TTLL5: variants seen among roughly 807,000 people sequenced by gnomAD.
The protein encoded by TTLL5 is tubulin polyglutamylase TTLL5.
A neutral mutation model predicts 168.4 loss-of-function variants in TTLL5; 132 were observed. The observed-to-expected ratio is 0.78, with a 90% CI of 0.68 to 0.91. TTLL5 has a LOEUF of 0.91. Among genes scored for constraint, TTLL5 ranks in the 40% least tolerant of loss-of-function variants. The probability of loss-of-function intolerance (pLI) is 0.00; values close to 1 mark genes in which losing one functional copy is unlikely to be tolerated. For synonymous variants in TTLL5, 546 were observed against 558.6 expected, an observed-to-expected ratio of 0.98 and a Z score of 0.32; for missense variants, 1,545 against 1,581.5, an observed-to-expected ratio of 0.98 and a Z score of 0.39.
intron 27 of TTLL5, among the ~76,000 whole-genome samples, chr14:75,802,524 G>A (rs1893381538): frequency 6.6e-6 from 1 of 152,158 alleles, no homozygotes. Flanking sequence ...AATTTCAACT[G>A]CTTAGCCTAT....
chr14:75,742,609 TG>T (rs1889343015), intron 15 of TTLL5, among the ~76,000 whole-genome samples: 1 of 152,212 alleles, frequency 6.6e-6, no homozygotes, highest in Non-Finnish European at 1.5e-5. Context: ...TGGCCATGGT[TG>T]GTCTCGAACT....
intron 29 of TTLL5, 49 bp downstream of exon 29, chr14:75,863,911 TA>T (rs76733656): frequency 0.028 from 2,775 of 99,616 alleles, 2 homozygotes; most frequent in Non-Finnish European, 0.035. Flanking sequence ...CTGCTGTTGG[TA>T]AAAAAAAAAA....
chr14:75,829,412 T>G (rs1186059960), intron 28 of TTLL5, among the ~76,000 whole-genome samples: 2 of 152,138 alleles, frequency 1.3e-5, no homozygotes, highest in African/African-American at 4.8e-5. Flanking sequence ...GTATTCTTAC[T>G]AAAAAGTAAG....
At chr14:75,693,937 C>A (rs1885640098) in intron 6 of TTLL5, among the ~76,000 whole-genome samples, 1 of 152,220 alleles carries the variant, frequency 6.6e-6, no homozygotes, top group Admixed American at 6.5e-5. Flanking sequence ...TTACAAATCT[C>A]ATTTTAAAGA....
chr14:75,773,961 G>GAA (rs1566598213), intron 21 of TTLL5, among the ~76,000 whole-genome samples: 601 of 42,898 alleles, frequency 0.014, 2 homozygotes, highest in African/African-American at 0.02. Context: ...GAGAGAAAGA[G>GAA]AGAGAGAGAG....
At chr14:75,941,805 C>T (rs1386459674) in intron 31 of TTLL5, among the ~76,000 whole-genome samples, 1 of 139,410 alleles carries the variant, frequency 7.2e-6, no homozygotes, top group African/African-American at 2.7e-5. Context: ...ACCTGCCTGG[C>T]TTAGGGCCTT....
At chr14:75,904,238 A>G in intron 31 of TTLL5, 1 of 1,186,650 alleles carries the variant, frequency 8.4e-7, no homozygotes, top group Non-Finnish European at 1.1e-6. Context: ...AAGAATTACT[A>G]GAACATGGTA....
chr14:75,798,387 A>T (rs556340182), intron 27 of TTLL5, among the ~76,000 whole-genome samples: 99 of 136,252 alleles, frequency 7.3e-4, no homozygotes, highest in Middle Eastern at 3.7e-3. Flanking sequence ...TTGTTTATTT[A>T]TTTTTTTTTC....
intron 25 of TTLL5, 75 bp downstream of exon 25, chr14:75,782,648 T>C: frequency 8.0e-7 from 1 of 1,251,924 alleles, no homozygotes; most frequent in Non-Finnish European, 1.1e-6. Context: ...TCATCAGATA[T>C]TAAATATTTC....
At chr14:75,699,785 A>G (rs1040734880) in intron 7 of TTLL5, among the ~76,000 whole-genome samples, 1 of 152,026 alleles carries the variant, frequency 6.6e-6, no homozygotes, top group Admixed American at 6.6e-5. Flanking sequence ...TTCAAAAGCC[A>G]GCAATATCTT....
At chr14:75,847,011 C>CTT (rs911056033) in intron 28 of TTLL5, among the ~76,000 whole-genome samples, 1 of 151,552 alleles carries the variant, frequency 6.6e-6, no homozygotes, top group African/African-American at 2.4e-5. Context: ...TTCTATATTT[C>CTT]TTTTTTTTGA....
chr14:75,914,033 A>AAAAATATATAT, intron 31 of TTLL5, among the ~76,000 whole-genome samples: 2 of 71,110 alleles, frequency 2.8e-5, no homozygotes, highest in African/African-American at 1.6e-4. Context: ...AAAAAAAAAA[A>AAAAATATATAT]ATATATATAT....
intron 29 of TTLL5, among the ~76,000 whole-genome samples, chr14:75,874,824 G>A (rs182337398): frequency 1.1e-4 from 16 of 150,598 alleles, no homozygotes; most frequent in Admixed American, 2.0e-4. Context: ...GTATATATGC[G>A]TGTGTGTGTG....
chr14:75,703,626 T>C (rs1886437451), intron 7 of TTLL5, among the ~76,000 whole-genome samples: 1 of 152,232 alleles, frequency 6.6e-6, no homozygotes, highest in African/African-American at 2.4e-5. Flanking sequence ...AAGTCAAGTT[T>C]ACTCATTCTT....
chr14:75,886,776 C>G, intron 30 of TTLL5: 1 of 1,595,138 alleles, frequency 6.3e-7, no homozygotes, highest in African/African-American at 1.3e-5. Context: ...GGACGACAGC[C>G]TACAAACAAC....
At chr14:75,673,700 T>G (rs1204858085) in intron 3 of TTLL5, among the ~76,000 whole-genome samples, 4 of 152,240 alleles carry the variant, frequency 2.6e-5, no homozygotes, top group Non-Finnish European at 4.4e-5. Flanking sequence ...ACTGATTGAA[T>G]AAGATCTACT....
chr14:75,762,578 T>TGA (rs751941047), intron 18 of TTLL5, among the ~76,000 whole-genome samples: 11 of 152,208 alleles, frequency 7.2e-5, no homozygotes, highest in Non-Finnish European at 1.3e-4. Flanking sequence ...ACATGGTCCT[T>TGA]GCCCTCATAG....
chr14:75,929,595 G>C (rs1040470798), intron 31 of TTLL5, among the ~76,000 whole-genome samples: 3 of 151,966 alleles, frequency 2.0e-5, no homozygotes, highest in African/African-American at 4.8e-5. Flanking sequence ...TGGGATTACA[G>C]GTGCCCACTA....
intron 20 of TTLL5, among the ~76,000 whole-genome samples, chr14:75,771,109 C>T (rs566736739): frequency 2.0e-5 from 3 of 152,174 alleles, no homozygotes; most frequent in South Asian, 2.1e-4. Flanking sequence ...CCTGTCTGTT[C>T]CCCCAAGAAA....
Sources: allele counts gnomAD v4.1 joint callset (sites outside exome capture counted in the v4.1 genomes callset), GRCh38; gene constraint gnomAD v4.1.1; transcripts MANE v1.5; gene names NCBI Gene and HGNC (gene_info 2026-07-23, HGNC 2026-07-21).